Variants in KLHL32 observed in about 807,000 individuals in gnomAD.
KLHL32 encodes kelch-like protein 32.
KLHL32 carries 35 observed loss-of-function variants against 64.8 expected under a neutral mutation model. That is an observed-to-expected ratio of 0.54 (90% CI 0.41 to 0.72). The LOEUF (loss-of-function observed/expected upper bound fraction) is 0.72. KLHL32 is among the 30% of genes least tolerant of loss of function. The pLI is 0.00. For synonymous variants in KLHL32, 259 were observed against 281.0 expected, an observed-to-expected ratio of 0.92 and a Z score of 0.78; for missense variants, 589 against 768.5, an observed-to-expected ratio of 0.77 and a Z score of 2.76.
intron 7 of KLHL32, among the ~76,000 whole-genome samples, chr6:97,124,141 T>G (rs1798644158): frequency 1.3e-5 from 2 of 152,346 alleles, no homozygotes; most frequent in South Asian, 4.1e-4. Context: ...ATTTATATGC[T>G]CATTTGTAAA....
intron 3 of KLHL32, among the ~76,000 whole-genome samples, chr6:97,006,076 T>C (rs1400471104): frequency 6.6e-6 from 1 of 152,094 alleles, no homozygotes; most frequent in Non-Finnish European, 1.5e-5. Context: ...GTTAGTTTTT[T>C]CCCTCAATGA....
At chr6:97,071,686 G>A (rs1375623671) in intron 5 of KLHL32, among the ~76,000 whole-genome samples, 2 of 152,068 alleles carry the variant, frequency 1.3e-5, no homozygotes, top group African/African-American at 4.8e-5. Context: ...TCAAACCTTG[G>A]CATAATCTTA....
At chr6:97,070,978 A>G (rs1321934895) in intron 5 of KLHL32, among the ~76,000 whole-genome samples, 1 of 152,102 alleles carries the variant, frequency 6.6e-6, no homozygotes, top group African/African-American at 2.4e-5. Context: ...CCTGAAGCTA[A>G]ACCACCTTTC....
the KLHL32 span, among the ~76,000 whole-genome samples, chr6:96,900,801 G>A: frequency 6.6e-6 from 1 of 152,330 alleles, no homozygotes; most frequent in East Asian, 1.9e-4. Context: ...CTAGTGAGGA[G>A]CACAACAGAT....
intron 5 of KLHL32, among the ~76,000 whole-genome samples, chr6:97,077,234 A>G (rs555225683): frequency 3.0e-4 from 46 of 152,336 alleles, no homozygotes; most frequent in Non-Finnish European, 5.9e-4. Context: ...GGGCATTTAT[A>G]TTACAGAACT....
intron 2 of KLHL32, among the ~76,000 whole-genome samples, chr6:96,967,484 G>T (rs1195050926): frequency 6.7e-6 from 1 of 150,066 alleles, no homozygotes; most frequent in Non-Finnish European, 1.5e-5. Flanking sequence ...TAGAGAGAGA[G>T]ATAGGGATAG....
At chr6:97,050,328 A>C (rs1786667488) in intron 4 of KLHL32, among the ~76,000 whole-genome samples, 1 of 152,142 alleles carries the variant, frequency 6.6e-6, no homozygotes, top group Non-Finnish European at 1.5e-5. Context: ...CACACACCCC[A>C]ACAGGATGTG....
At chr6:97,080,164 T>TGG (rs1340410807) in intron 5 of KLHL32, among the ~76,000 whole-genome samples, 2 of 152,142 alleles carry the variant, frequency 1.3e-5, no homozygotes, top group Non-Finnish European at 2.9e-5. Context: ...CAGTAACACT[T>TGG]TCAACTCTAG....
intron 5 of KLHL32, among the ~76,000 whole-genome samples, chr6:97,076,371 A>G (rs1582942498): frequency 6.6e-6 from 1 of 152,352 alleles, no homozygotes; most frequent in Non-Finnish European, 1.5e-5. Context: ...CTGTATGTTG[A>G]GCATCTACTA....
At chr6:97,040,139 G>A (rs1784905848) in intron 3 of KLHL32, among the ~76,000 whole-genome samples, 1 of 151,878 alleles carries the variant, frequency 6.6e-6, no homozygotes, top group Non-Finnish European at 1.5e-5. Context: ...ATACCACATA[G>A]CATAGTGAGG....
chr6:97,131,056 A>T, intron 9 of KLHL32, 107 bp downstream of exon 9: 1 of 908,854 alleles, frequency 1.1e-6, no homozygotes, highest in Non-Finnish European at 1.7e-6. Context: ...GCATAGTTGT[A>T]GAAGAACCTG....
intron 3 of KLHL32, among the ~76,000 whole-genome samples, chr6:97,027,051 A>C: frequency 6.6e-6 from 1 of 151,734 alleles, no homozygotes; most frequent in East Asian, 1.9e-4. Context: ...AGTCCCAGCT[A>C]CTCGGGAGGC....
intron 5 of KLHL32, among the ~76,000 whole-genome samples, chr6:97,070,275 A>T (rs1299085670): frequency 6.6e-6 from 1 of 152,224 alleles, no homozygotes; most frequent in Non-Finnish European, 1.5e-5. Flanking sequence ...AAAATGATCA[A>T]AAAGGGTGGA....
chr6:96,969,463 T>C (rs1166290063), intron 2 of KLHL32, among the ~76,000 whole-genome samples: 1 of 152,208 alleles, frequency 6.6e-6, no homozygotes, highest in African/African-American at 2.4e-5. Context: ...TTAAGTTCTC[T>C]CATTTCCTGT....
At chr6:96,987,517 G>T (rs144860798) in intron 3 of KLHL32, among the ~76,000 whole-genome samples, 1 of 152,116 alleles carries the variant, frequency 6.6e-6, no homozygotes, top group South Asian at 2.1e-4. Context: ...CATGAAAATG[G>T]CCATACTGCC....
intron 1 of KLHL32, among the ~76,000 whole-genome samples, chr6:96,937,805 C>A (rs1408845806): frequency 1.3e-5 from 2 of 152,192 alleles, no homozygotes; most frequent in Non-Finnish European, 2.9e-5. Flanking sequence ...TCCATCCCTT[C>A]CTAGGGACTG....
intron 3 of KLHL32, among the ~76,000 whole-genome samples, chr6:96,980,511 C>T (rs183976595): frequency 1.3e-5 from 2 of 152,114 alleles, no homozygotes; most frequent in Admixed American, 1.3e-4. Flanking sequence ...AGTATAAAGC[C>T]TACTTGATTG....
chr6:97,120,169 T>G (rs1187121935), intron 7 of KLHL32, among the ~76,000 whole-genome samples: 1 of 152,014 alleles, frequency 6.6e-6, no homozygotes, highest in Admixed American at 6.6e-5. Context: ...GGCAAGGAAC[T>G]GGGCAGGGGT....
chr6:97,004,823 C>G (rs1292829444), intron 3 of KLHL32, among the ~76,000 whole-genome samples: 1 of 152,042 alleles, frequency 6.6e-6, no homozygotes, highest in Non-Finnish European at 1.5e-5. Context: ...AAGGAAAAAG[C>G]CTATTTGATC....
Sources: gnomAD v4.1 joint callset for allele counts (sites outside exome capture counted in the v4.1 genomes callset) on GRCh38, gnomAD v4.1.1 for gene constraint, MANE v1.5 for transcripts, NCBI Gene and HGNC (gene_info 2026-07-23, HGNC 2026-07-21) for gene names.